The following TRMT11 variants were observed in gnomAD, a reference collection of about 807,000 sequenced individuals.
The protein encoded by TRMT11 is tRNA methyltransferase 11, also known as tRNA (guanine(10)-N(2))-methyltransferase TRMT11.
In TRMT11, 53 loss-of-function variants were observed where a neutral mutation model predicts 62.8. The observed-to-expected ratio is 0.84, with a 90% CI of 0.68 to 1.06. The LOEUF (loss-of-function observed/expected upper bound fraction) is 1.06. Among genes scored for constraint, TRMT11 ranks in the 50% least tolerant of loss-of-function variants. TRMT11 has a pLI of 0.00. For missense variants in TRMT11, 556 were observed against 553.4 expected, an observed-to-expected ratio of 1.00 and a Z score of -0.05; for synonymous variants, 188 against 190.3, an observed-to-expected ratio of 0.99 and a Z score of 0.10.
At chr6:126,251,987 T>C in the TRMT11 span, among the ~76,000 whole-genome samples, 4 of 152,316 alleles carry the variant, frequency 2.6e-5, no homozygotes, top group East Asian at 5.8e-4. Context: ...TCGATAAACA[T>C]TGAATGCATG....
intron 7 of TRMT11, among the ~76,000 whole-genome samples, chr6:126,005,005 C>T (rs1793141975): frequency 6.6e-6 from 1 of 151,980 alleles, no homozygotes; most frequent in Non-Finnish European, 1.5e-5. Flanking sequence ...GTGTGTGTCT[C>T]CACTTTCCCA....
At chr6:126,232,412 CTTT>C in the TRMT11 span, among the ~76,000 whole-genome samples, 1 of 147,580 alleles carries the variant, frequency 6.8e-6, no homozygotes, top group Non-Finnish European at 1.5e-5. Context: ...CAGTAGAAAA[CTTT>C]TTTTTTTTCT....
At chr6:126,203,829 G>A (rs1304403165), downstream of TRMT11, among the ~76,000 whole-genome samples, 1 of 151,912 alleles carries the variant, frequency 6.6e-6, no homozygotes, top group African/African-American at 2.4e-5. Flanking sequence ...TCTGTGTATA[G>A]AATGATTCAT....
intron 17 of TRMT11, among the ~76,000 whole-genome samples, chr6:126,060,265 G>T (rs948354346): frequency 7.2e-5 from 11 of 152,346 alleles, no homozygotes; most frequent in Admixed American, 6.5e-4. Context: ...TTTAGGTCAA[G>T]AACTCAAATG....
At chr6:126,233,560 G>T in the TRMT11 span, among the ~76,000 whole-genome samples, 5,391 of 152,236 alleles carry the variant, frequency 0.035, 342 homozygotes, top group African/African-American at 0.12. Context: ...GCTAAGAACT[G>T]CAGTCTTTAT....
At chr6:126,160,356 C>T (rs1289611259) in intron 21 of TRMT11, among the ~76,000 whole-genome samples, 1 of 152,068 alleles carries the variant, frequency 6.6e-6, no homozygotes, top group African/African-American at 2.4e-5. Flanking sequence ...TTTCCTCACC[C>T]AAAGTGTCTC....
At chr6:126,205,729 A>G (rs1458668186), downstream of TRMT11, among the ~76,000 whole-genome samples, 1 of 151,986 alleles carries the variant, frequency 6.6e-6, no homozygotes. Context: ...TTTCTTGTGT[A>G]TTCTTATCTC....
chr6:126,042,242 G>A (rs1323071838), downstream of TRMT11, among the ~76,000 whole-genome samples: 1 of 152,146 alleles, frequency 6.6e-6, no homozygotes, highest in Non-Finnish European at 1.5e-5. Context: ...TGAAAAACTA[G>A]GGAACCTGAC....
intron 16 of TRMT11, among the ~76,000 whole-genome samples, chr6:126,044,506 A>G (rs578163242): frequency 4.6e-5 from 7 of 152,204 alleles, no homozygotes; most frequent in Admixed American, 3.3e-4. Context: ...CCATTTTTCT[A>G]CATACCAATT....
chr6:126,190,056 A>G (rs1227535722), intron 1 of TRMT11, among the ~76,000 whole-genome samples: 1 of 152,148 alleles, frequency 6.6e-6, no homozygotes, highest in Non-Finnish European at 1.5e-5. Flanking sequence ...TTGTGTTGGA[A>G]ACATTATAAT....
intron 17 of TRMT11, among the ~76,000 whole-genome samples, chr6:126,075,909 A>G (rs1049340493): frequency 6.6e-6 from 1 of 152,184 alleles, no homozygotes. Flanking sequence ...CAGAAGTGAC[A>G]TGTGTCACTG....
At chr6:126,229,494 G>C in the TRMT11 span, among the ~76,000 whole-genome samples, 4 of 152,056 alleles carry the variant, frequency 2.6e-5, no homozygotes, top group Non-Finnish European at 5.9e-5. Context: ...TGAAAAGGCT[G>C]GTAGATTTTA....
chr6:126,104,497 G>A (rs1034696124), intron 17 of TRMT11, among the ~76,000 whole-genome samples: 5 of 152,154 alleles, frequency 3.3e-5, no homozygotes, highest in Non-Finnish European at 7.4e-5. Context: ...ACATACAGGT[G>A]GGCCCAGTTA....
chr6:126,026,860 T>C (rs1274769469), intron 12 of TRMT11, among the ~76,000 whole-genome samples: 4 of 146,682 alleles, frequency 2.7e-5, no homozygotes, highest in Non-Finnish European at 4.5e-5. Context: ...TGGAGTGCAG[T>C]GGCGGGATCT....
chr6:125,986,704 C>A, intron 1 of TRMT11, 82 bp downstream of exon 1: 1 of 1,329,296 alleles, frequency 7.5e-7, no homozygotes, highest in Non-Finnish European at 1.0e-6. Context: ...ATCTGCATAG[C>A]CCGAGGAAGC....
chr6:126,202,909 T>C (rs1003479217), downstream of TRMT11, among the ~76,000 whole-genome samples: 3 of 152,170 alleles, frequency 2.0e-5, no homozygotes, highest in African/African-American at 7.2e-5. Flanking sequence ...TTAGGATGAT[T>C]TTTTTTCCCT....
chr6:126,050,417 G>A (rs373858639), intron 16 of TRMT11, among the ~76,000 whole-genome samples: 2 of 152,038 alleles, frequency 1.3e-5, no homozygotes, highest in Non-Finnish European at 2.9e-5. Flanking sequence ...AAGGTGATTT[G>A]GGGTGTCAGT....
intron 17 of TRMT11, among the ~76,000 whole-genome samples, chr6:126,076,914 C>T (rs2128149960): frequency 6.6e-6 from 1 of 152,090 alleles, no homozygotes; most frequent in African/African-American, 2.4e-5. Flanking sequence ...GGAGAGACTC[C>T]CCTCTATTCT....
At chr6:126,261,418 G>A in the TRMT11 span, among the ~76,000 whole-genome samples, 1 of 151,880 alleles carries the variant, frequency 6.6e-6, no homozygotes, top group African/African-American at 2.4e-5. Flanking sequence ...CAGGCATTTT[G>A]TTAATATCCT....
Sources: allele counts gnomAD v4.1 joint callset (sites outside exome capture counted in the v4.1 genomes callset), GRCh38; gene constraint gnomAD v4.1.1; transcripts MANE v1.5; gene names NCBI Gene and HGNC (gene_info 2026-07-23, HGNC 2026-07-21).